NRG2: variants seen among roughly 807,000 people sequenced by gnomAD.
NRG2 encodes pro-neuregulin-2, membrane-bound isoform.
A neutral mutation model predicts 73.9 loss-of-function variants in NRG2; 27 were observed. The ratio of observed to expected loss-of-function variants is 0.37; its 90% confidence interval spans 0.27 to 0.50. The LOEUF is 0.50. NRG2 is among the 20% of genes least tolerant of loss of function. NRG2 has a pLI of 0.96. For missense variants in NRG2, 1,126 were observed against 1,210.1 expected (o/e 0.93, Z 1.03); for synonymous variants, 532 against 541.0 (o/e 0.98, Z 0.23).
At chr5:139,995,558 G>A (rs1198541243) in intron 1 of NRG2, among the ~76,000 whole-genome samples, 1 of 152,152 alleles carries the variant, frequency 6.6e-6, no homozygotes, top group Non-Finnish European at 1.5e-5. Flanking sequence ...GACCAGGAGC[G>A]GGCAGGCTCC....
In NRG2 at chr5:139,855,544, C is replaced by T. The variant is rs894282758; in HGVS notation, c.1292+132G>A. Reference sequence around the variant, plus strand: ...ACACCCACCCAGCTACAGAGGCCCCCGAGGGGTAGTTGGGGCCTAGGAGGG... The same window carrying T: ...ACACCCACCCAGCTACAGAGGCCCCTGAGGGGTAGTTGGGGCCTAGGAGGG... On this transcript the variant is annotated intron_variant, in intron 6 of 9. Coordinates refer to ENST00000361474, the MANE Select transcript of NRG2 (RefSeq NM_004883.3). The T allele has an allele frequency of 2.0e-4, 154 of 751,614 alleles. 1 individual carries two copies. In the East Asian group the frequency reaches 3.3e-3, roughly 16 times the overall value. The allele number at this position is 751,614 out of a possible 1,614,324, so 46.6% of individuals were successfully genotyped here.
At chr5:139,970,875 A>C (rs1431738731) in intron 1 of NRG2, among the ~76,000 whole-genome samples, 2 of 152,250 alleles carry the variant, frequency 1.3e-5, no homozygotes, top group Non-Finnish European at 2.9e-5. Context: ...AGTTAGCACT[A>C]TCCATGAAAC....
At position 139,901,177 on chromosome 5, in the gene NRG2, G is replaced by A. The variant is rs79769444; in HGVS notation, c.701-13666C>T. Among the ~76,000 whole-genome samples, 1,169 of 152,330 alleles carry A rather than the reference G, an allele frequency of 7.7e-3. 23 individuals are homozygous for A. Among genetic ancestry groups the A allele is most frequent in the African/African-American group, 0.027 (1,118 of 41,562 alleles). On this transcript the variant is annotated intron_variant, in intron 1 of 9. Transcript: ENST00000361474. Reference sequence around the variant, plus strand: ...CCAATCTGGAAAGACTAGAGCTCTTGGTCCCCTCTTCACCCCTGCCAAATG... The same window carrying A: ...CCAATCTGGAAAGACTAGAGCTCTTAGTCCCCTCTTCACCCCTGCCAAATG...
At chr5:139,860,621 C>G (rs183055132) in intron 5 of NRG2, among the ~76,000 whole-genome samples, 2 of 152,242 alleles carry the variant, frequency 1.3e-5, no homozygotes, top group Non-Finnish European at 2.9e-5. Context: ...ATTTCACTAC[C>G]CAGAAGAGCA....
In NRG2 at chr5:139,848,481, C is replaced by CCCGGGCCCGGGTCCGGGT; in HGVS notation, c.1971_1988dup (p.Pro662_Gly667dup). 1.5e-6 allele frequency: 2 copies of CCCGGGCCCGGGTCCGGGT among 1,340,214 alleles called. No homozygotes were observed. Among genetic ancestry groups the CCCGGGCCCGGGTCCGGGT allele is most frequent in the African/African-American group, 1.7e-5 (1 of 60,044 alleles). The allele number at this position is 1,340,214 out of a possible 1,614,324, so 83.0% of individuals were successfully genotyped here. On this transcript the variant is annotated inframe_insertion, in exon 10 of 10. Transcript: ENST00000361474. ...GCTGCATGTCTGCGCCGGGCCCGGG[C>CCCGGGCCCGGGTCCGGGT]CCGGGCCCGGGTCCGGGTCCCGGGC...
rs73791205 is a variant in NRG2, at chr5:139,851,351, T to C, written c.1772+253A>G. Among the ~76,000 whole-genome samples the C allele has an allele frequency of 0.015, 2,333 of 152,326 alleles. 66 individuals carry two copies. The highest frequency in any genetic ancestry group is 0.053 in the African/African-American group (2,201 of 41,566). ...TGTCCTTTTTCTAGTGTGAAAAGTG[T>C]CCTGGGAGGACAATTAAATTAGATG... On this transcript the variant is annotated intron_variant, in intron 9 of 9. Transcript: ENST00000361474. The surrounding 1 kb of genome is among the most constrained non-coding windows in gnomAD (Gnocchi z 4.2).
chr5:140,042,708 T>G lies in NRG2; in HGVS notation c.362A>C (p.Gln121Pro). The G allele has an allele frequency of 6.3e-7, 1 of 1,575,602 alleles. No individual in the cohort carries two copies. Among genetic ancestry groups the G allele is most frequent in the East Asian group, 2.3e-5 (1 of 42,686 alleles). ...ACYSPSLKSV[Q>P]DQAYKAPVVV... ...CACGGGTGCCTTGTACGCCTGGTCC[T>G]GCACTGACTTGAGGCTGGGCGAGTA... The change falls in exon 1 of 10, where the codon CAG becomes CCG. Residue 121 changes from glutamine to proline, a missense_variant. Coordinates refer to ENST00000361474, the MANE Select transcript of NRG2 (RefSeq NM_004883.3).
At chr5:140,016,940 T>G (rs1206895134) in intron 1 of NRG2, among the ~76,000 whole-genome samples, 1 of 152,168 alleles carries the variant, frequency 6.6e-6, no homozygotes, top group Non-Finnish European at 1.5e-5. Flanking sequence ...GGAGGCCACG[T>G]GAGGGTTTTG....
rs1424229175 is a variant in NRG2 at position 140,008,203 on chromosome 5, C to T, written c.700+34167G>A. Among the ~76,000 whole-genome samples the T allele has an allele frequency of 2.6e-5, 4 of 152,216 alleles. No homozygotes were observed. Among genetic ancestry groups the T allele is most frequent in the African/African-American group, 9.6e-5 (4 of 41,458 alleles). The stretch of plus-strand genomic sequence containing the variant: ...CTATGCAGAAGATGCATGGGGAAAT[C>T]AAAGATCTATTCCACAGCAGATGTG... On this transcript the variant is annotated intron_variant, in intron 1 of 9. Coordinates refer to ENST00000361474, the MANE Select transcript of NRG2 (RefSeq NM_004883.3). This position sits in a 1 kb window ranked among gnomAD's most constrained non-coding sequence, Gnocchi z 4.2.
At position 139,870,601 on chromosome 5, in the gene NRG2, C is replaced by T. The variant is rs1393960528; in HGVS notation, c.1112+1120G>A. ...AAGGTCAAACATCTCTCTCTGAATC[C>T]CCATCAATGTTTTGGTGGCCTTTGC... On this transcript the variant is annotated intron_variant, in intron 4 of 9. Transcript: ENST00000361474. This position sits in a 1 kb window ranked among gnomAD's most constrained non-coding sequence, Gnocchi z 4.4. Among the ~76,000 whole-genome samples, 3 of 152,284 alleles carry T rather than the reference C, an allele frequency of 2.0e-5. No homozygotes were observed. The highest frequency in any genetic ancestry group is 7.2e-5 in the African/African-American group (3 of 41,562).
In NRG2 at chr5:139,865,248, C is replaced by T. The variant is rs922929613; in HGVS notation, c.1189+301G>A. 2.0e-5 allele frequency: 25 copies of T among 1,268,856 alleles called. No homozygotes were observed. In the East Asian group the frequency reaches 5.4e-4, roughly 27 times the overall value. The allele number at this position is 1,268,856 out of a possible 1,614,324, so 78.6% of individuals were successfully genotyped here. A position where few individuals can be genotyped will look rare whatever the true frequency, so the allele number is the denominator to read the frequency against. ...AGGCATTGCAACACCCCGGCACGGGCTCCTGCCAATGCCAGCTGGGTTCCT... is the reference window on the plus strand; with the variant it reads ...AGGCATTGCAACACCCCGGCACGGGTTCCTGCCAATGCCAGCTGGGTTCCT... On this transcript the variant is annotated intron_variant, in intron 5 of 9. Transcript: ENST00000361474. This position sits in a 1 kb window ranked among gnomAD's most constrained non-coding sequence, Gnocchi z 5.2.
At chr5:139,952,535 C>G (rs1033132410) in intron 1 of NRG2, among the ~76,000 whole-genome samples, 1 of 152,192 alleles carries the variant, frequency 6.6e-6, no homozygotes, top group Non-Finnish European at 1.5e-5. Context: ...TGGGAGAAGG[C>G]TCCAGATTCA....
In NRG2 at chr5:139,865,148, T is replaced by C; in HGVS notation, c.1189+401A>G. ...TTGACCATTGCGAACTGCTGACACC[T>C]GTCCCCGGTGTATCCCACAGGACAC... On this transcript the variant is annotated intron_variant, in intron 5 of 9. Coordinates refer to ENST00000361474, the MANE Select transcript of NRG2 (RefSeq NM_004883.3). The surrounding 1 kb of genome is among the most constrained non-coding windows in gnomAD (Gnocchi z 5.2). 1 of 1,613,768 alleles carries C rather than the reference T, an allele frequency of 6.2e-7. No individual in the cohort carries two copies. The highest frequency in any genetic ancestry group is 1.3e-5 in the African/African-American group (1 of 75,040).
intron 1 of NRG2, among the ~76,000 whole-genome samples, chr5:139,986,149 A>G (rs938613093): frequency 6.6e-6 from 1 of 152,248 alleles, no homozygotes; most frequent in African/African-American, 2.4e-5. Flanking sequence ...AATGCTCAGG[A>G]GAAACTCCAT....
In NRG2 at chr5:139,939,643, A is replaced by T. The variant is rs1753238442; in HGVS notation, c.701-52132T>A. 2.0e-5 allele frequency among the ~76,000 whole-genome samples: 3 copies of T among 152,188 alleles called. No homozygotes were observed. The South Asian group carries it at 6.2e-4, about 31-fold the overall frequency. Reference sequence around the variant, plus strand: ...ATATAACTAGGACTTCAAAATTTAAAACTTCTGCTCTTCAAGTGACAGTTT... The same window carrying T: ...ATATAACTAGGACTTCAAAATTTAATACTTCTGCTCTTCAAGTGACAGTTT... On this transcript the variant is annotated intron_variant, in intron 1 of 9. Coordinates refer to ENST00000361474, the MANE Select transcript of NRG2 (RefSeq NM_004883.3).
chr5:140,016,327 A>C (rs1380013942), intron 1 of NRG2, among the ~76,000 whole-genome samples: 1 of 152,184 alleles, frequency 6.6e-6, no homozygotes, highest in Admixed American at 6.5e-5. Flanking sequence ...TTGAAACTAA[A>C]ATTTTGGACC....
intron 1 of NRG2, among the ~76,000 whole-genome samples, chr5:139,980,349 C>CAAAAAAAAAA (rs10630492): frequency 7.1e-6 from 1 of 139,974 alleles, no homozygotes. Context: ...ACAGCATCAC[C>CAAAAAAAAAA]AAAAAAAAAA....
rs558115383 is a variant in NRG2, at chr5:139,987,920, G to A, written c.700+54450C>T. 5.9e-5 allele frequency among the ~76,000 whole-genome samples: 9 copies of A among 152,130 alleles called. No homozygotes were observed. The East Asian group carries it at 1.4e-3, about 23-fold the overall frequency. ...CTCCCGAGTAGCTGGGACTATAGGC[G>A]CACACCGCCATGCCTGGCTAATTTT... On this transcript the variant is annotated intron_variant, in intron 1 of 9. Transcript: ENST00000361474.
chr5:139,985,793 T>C (rs536940361), intron 1 of NRG2, among the ~76,000 whole-genome samples: 221 of 152,308 alleles, frequency 1.5e-3, no homozygotes, highest in African/African-American at 5.1e-3. Flanking sequence ...CCTTTCAGCT[T>C]ACACCTTTCG....
Sources: gnomAD v4.1 joint callset for allele counts (sites outside exome capture counted in the v4.1 genomes callset) on GRCh38, gnomAD v4.1.1 for gene constraint, Gnocchi (gnomAD v3.1) non-coding constraint, MANE v1.5 for transcripts, NCBI Gene and HGNC (gene_info 2026-07-23, HGNC 2026-07-21) for gene names.